Variants in TRPC4 observed in about 807,000 individuals in gnomAD.
TRPC4 encodes the protein short transient receptor potential channel 4.
A neutral mutation model predicts 99.4 loss-of-function variants in TRPC4; 49 were observed. The observed-to-expected ratio is 0.49, with a 90% CI of 0.39 to 0.63. The LOEUF is 0.63. Among genes scored for constraint, TRPC4 ranks in the 20% least tolerant of loss-of-function variants. The pLI is 0.00. For missense variants in TRPC4, 898 were observed against 1,152.9 expected (o/e 0.78, Z 3.20); for synonymous variants, 454 against 425.9 (o/e 1.07, Z -0.81).
chr13:37,816,754 C>T (rs1487200600), intron 1 of TRPC4, among the ~76,000 whole-genome samples: 1 of 151,970 alleles, frequency 6.6e-6, no homozygotes, highest in Non-Finnish European at 1.5e-5. Context: ...ATCACATAAA[C>T]AGAACTAAAG....
At chr13:37,832,652 T>C (rs9532125) in intron 1 of TRPC4, among the ~76,000 whole-genome samples, 28,078 of 152,060 alleles carry the variant, frequency 0.18, 2,698 homozygotes, top group Middle Eastern at 0.2. Context: ...CAATTAAATC[T>C]AACGAACAGG....
At position 37,655,175 on chromosome 13, in the gene TRPC4, G is replaced by C; in HGVS notation, c.1797C>G (p.Thr599=). ...QHEFTEFVGA[T]MFGTYNVISL... is the part of the protein sequence containing the mutation. The stretch of plus-strand genomic sequence containing the variant: ...AGATGACATTGTATGTCCCAAACAT[G>C]GTGGCACCAACAAACTCAGTAAATT... Residue 599 remains threonine, a synonymous_variant, in exon 7 of 11, where the codon ACC becomes ACG. Transcript: ENST00000379705. The C allele has an allele frequency of 6.2e-7, 1 of 1,607,672 alleles. No homozygotes were observed. The highest frequency in any genetic ancestry group is 8.5e-7 in the Non-Finnish European group (1 of 1,176,376).
intron 6 of TRPC4, among the ~76,000 whole-genome samples, chr13:37,658,653 G>C (rs17056394): frequency 0.12 from 17,798 of 152,206 alleles, 1,139 homozygotes; most frequent in East Asian, 0.31. Flanking sequence ...CACAAAGCCT[G>C]TGCCCCTCTC....
chr13:37,637,876 T>A (rs938160660), intron 10 of TRPC4, among the ~76,000 whole-genome samples: 1 of 152,272 alleles, frequency 6.6e-6, no homozygotes, highest in African/African-American at 2.4e-5. Flanking sequence ...GTGAGTTATC[T>A]TTGCCACCAA....
chr13:37,808,217 C>A lies in TRPC4; in HGVS notation c.-27-24857G>T, dbSNP rs564785013. Among the ~76,000 whole-genome samples the A allele has an allele frequency of 1.4e-3, 213 of 151,966 alleles. 1 individual carries two copies. The highest frequency in any genetic ancestry group is 4.9e-3 in the African/African-American group (204 of 41,466). ...ACTGAAGCAAAAAAAAGCCATGGTT[C>A]TTTAGAAGGTCTTTAGTGAAGTTGA... On this transcript the variant is annotated intron_variant, in intron 1 of 10. Coordinates refer to ENST00000379705, the MANE Select transcript of TRPC4 (RefSeq NM_016179.4).
At chr13:37,642,267 T>A (rs950744924) in intron 8 of TRPC4, among the ~76,000 whole-genome samples, 1 of 152,192 alleles carries the variant, frequency 6.6e-6, no homozygotes, top group African/African-American at 2.4e-5. Context: ...GAATTTTTGC[T>A]ATGACCCTAA....
chr13:37,810,458 T>G (rs1422015017), intron 1 of TRPC4, among the ~76,000 whole-genome samples: 2 of 152,030 alleles, frequency 1.3e-5, no homozygotes, highest in African/African-American at 4.8e-5. Context: ...TATAACCTAT[T>G]TAAAAACTGA....
intron 1 of TRPC4, among the ~76,000 whole-genome samples, chr13:37,802,797 A>G (rs994986687): frequency 6.6e-6 from 1 of 152,134 alleles, no homozygotes; most frequent in African/African-American, 2.4e-5. Context: ...TTGGGAAGAT[A>G]TAAATAGTCC....
chr13:37,827,409 A>T (rs1159341643), intron 1 of TRPC4, among the ~76,000 whole-genome samples: 1 of 151,902 alleles, frequency 6.6e-6, no homozygotes, highest in African/African-American at 2.4e-5. Context: ...GGTTTTATCT[A>T]CTTTTGGTCT....
At chr13:37,841,759 A>G (rs79159605) in intron 1 of TRPC4, among the ~76,000 whole-genome samples, 3,901 of 152,236 alleles carry the variant, frequency 0.026, 98 homozygotes, top group African/African-American at 0.072. Context: ...TGAGGAGGTG[A>G]ACAGACTAAA....
At chr13:37,660,609 TGA>T (rs1952403018) in intron 6 of TRPC4, among the ~76,000 whole-genome samples, 1 of 152,278 alleles carries the variant, frequency 6.6e-6, no homozygotes, top group African/African-American at 2.4e-5. Flanking sequence ...TGAAACCTTA[TGA>T]GAGATATGTG....
intron 8 of TRPC4, among the ~76,000 whole-genome samples, chr13:37,641,844 A>G (rs1951721647): frequency 6.6e-6 from 1 of 152,194 alleles, no homozygotes; most frequent in African/African-American, 2.4e-5. Context: ...AAATGAGCTA[A>G]GAGATTTATG....
chr13:37,818,451 G>T (rs554502948), intron 1 of TRPC4, among the ~76,000 whole-genome samples: 3 of 152,166 alleles, frequency 2.0e-5, no homozygotes, highest in Admixed American at 2.0e-4. Flanking sequence ...CCATTACTGG[G>T]TATACACCCA....
intron 2 of TRPC4, among the ~76,000 whole-genome samples, chr13:37,764,798 A>G (rs1956316671): frequency 1.5e-5 from 2 of 134,244 alleles, no homozygotes; most frequent in South Asian, 4.8e-4. Flanking sequence ...TGATAGATAT[A>G]AATTTTATCA....
intron 2 of TRPC4, among the ~76,000 whole-genome samples, chr13:37,759,780 G>C (rs973339807): frequency 7.2e-5 from 11 of 151,964 alleles, no homozygotes; most frequent in African/African-American, 2.7e-4. Context: ...CTTTATGGGA[G>C]AGTATGCAGT....
intron 10 of TRPC4, among the ~76,000 whole-genome samples, chr13:37,638,137 T>C (rs1326588199): frequency 6.6e-6 from 1 of 152,090 alleles, no homozygotes; most frequent in African/African-American, 2.4e-5. Flanking sequence ...ATCCTGGGAA[T>C]TTCTTCGGAT....
intron 2 of TRPC4, among the ~76,000 whole-genome samples, chr13:37,771,154 T>C (rs1333134928): frequency 6.6e-6 from 1 of 151,704 alleles, no homozygotes; most frequent in Non-Finnish European, 1.5e-5. Context: ...AAAACTGCAG[T>C]TGATTGCTAA....
intron 1 of TRPC4, among the ~76,000 whole-genome samples, chr13:37,823,879 T>G (rs1011846871): frequency 6.7e-6 from 1 of 150,346 alleles, no homozygotes; most frequent in African/African-American, 2.5e-5. Flanking sequence ...GCCATTTTCA[T>G]GATATTGATT....
intron 2 of TRPC4, among the ~76,000 whole-genome samples, chr13:37,773,216 T>C (rs1036260597): frequency 2.0e-5 from 3 of 151,646 alleles, no homozygotes; most frequent in Admixed American, 6.6e-5. Flanking sequence ...TTTCTAGACA[T>C]GTCAGGGTCA....
Sources: gnomAD v4.1 joint callset for allele counts (sites outside exome capture counted in the v4.1 genomes callset) on GRCh38, gnomAD v4.1.1 for gene constraint, MANE v1.5 for transcripts, NCBI Gene and HGNC (gene_info 2026-07-23, HGNC 2026-07-21) for gene names.